IRAK1BP1: variants seen among roughly 807,000 people sequenced by gnomAD.
IRAK1BP1 encodes the protein interleukin-1 receptor-associated kinase 1-binding protein 1.
Under a neutral mutation model 28.0 loss-of-function variants are expected in IRAK1BP1, and 24 were observed. That is an observed-to-expected ratio of 0.86 (90% CI 0.62 to 1.20). The LOEUF is 1.20. Ranked by LOEUF, IRAK1BP1 falls within the 50% of genes most tolerant of loss-of-function variation. The pLI is 0.00. For missense variants in IRAK1BP1, 336 were observed against 316.7 expected, an observed-to-expected ratio of 1.06 and a Z score of -0.46; for synonymous variants, 131 against 116.3, an observed-to-expected ratio of 1.13 and a Z score of -0.81.
At chr6:78,880,917 A>G (rs554023125) in intron 1 of IRAK1BP1, among the ~76,000 whole-genome samples, 1 of 152,200 alleles carries the variant, frequency 6.6e-6, no homozygotes, top group South Asian at 2.1e-4. Flanking sequence ...ATTCTCGTTC[A>G]TTGCTGGTGA....
chr6:78,877,178 G>A (rs1472557313), intron 1 of IRAK1BP1, among the ~76,000 whole-genome samples: 1 of 152,020 alleles, frequency 6.6e-6, no homozygotes, highest in Non-Finnish European at 1.5e-5. Context: ...GTTAGGCTAG[G>A]TGTGCCTTTA....
At chr6:78,944,991 C>T (rs758217287) in intron 4 of IRAK1BP1, among the ~76,000 whole-genome samples, 2 of 151,792 alleles carry the variant, frequency 1.3e-5, no homozygotes, top group Non-Finnish European at 2.9e-5. Flanking sequence ...TTTTGTGATC[C>T]AATAATTACT....
intron 2 of IRAK1BP1, among the ~76,000 whole-genome samples, chr6:78,888,343 G>C (rs1771503632): frequency 6.6e-6 from 1 of 152,066 alleles, no homozygotes; most frequent in African/African-American, 2.4e-5. Flanking sequence ...CTCATGTTGT[G>C]TTGTTATCAT....
intron 2 of IRAK1BP1, among the ~76,000 whole-genome samples, chr6:78,891,317 A>G (rs1771652333): frequency 1.3e-5 from 2 of 152,230 alleles, no homozygotes; most frequent in Admixed American, 1.3e-4. Context: ...TTTTAAAAAA[A>G]GGTTCTAAGT....
intron 4 of IRAK1BP1, among the ~76,000 whole-genome samples, chr6:78,941,801 TATCA>T (rs1158985878): frequency 6.6e-6 from 1 of 152,154 alleles, no homozygotes; most frequent in Non-Finnish European, 1.5e-5. Flanking sequence ...TATATATATA[TATCA>T]ATCAAAATCA....
At chr6:78,976,216 C>T in the IRAK1BP1 span, among the ~76,000 whole-genome samples, 22 of 148,344 alleles carry the variant, frequency 1.5e-4, no homozygotes, top group Middle Eastern at 7.0e-3. Flanking sequence ...TCAGAAATAA[C>T]GCCGCATATC....
intron 2 of IRAK1BP1, among the ~76,000 whole-genome samples, chr6:78,891,434 T>C (rs1212575111): frequency 2.6e-5 from 4 of 152,114 alleles, no homozygotes; most frequent in African/African-American, 7.2e-5. Context: ...TTATGTTATT[T>C]TCATGTTATA....
At position 78,885,450 on chromosome 6, in the gene IRAK1BP1, A is replaced by ACTTAT. The variant is rs4055605; in HGVS notation, c.381+11_381+12insTCTTA. On this transcript the variant is annotated splice_region_variant and intron_variant, in intron 2 of 3. Coordinates refer to ENST00000369940, the MANE Select transcript of IRAK1BP1 (RefSeq NM_001010844.4). ...TTATCACATGGAAGCAGAGGTATGT[A>ACTTAT]CTTAACAAATAATTGGAAGCAGCAT... The ACTTAT allele has an allele frequency of 0.88, 1,220,649 of 1,383,786 alleles. 542,565 individuals are homozygous for ACTTAT. Among genetic ancestry groups the ACTTAT allele is most frequent in the Admixed American group, 0.92 (45,608 of 49,568 alleles). 85.7% of individuals were successfully genotyped at this position (1,383,786 alleles called of 1,614,324 possible).
intron 4 of IRAK1BP1, among the ~76,000 whole-genome samples, chr6:78,929,508 G>C (rs1772983834): frequency 6.6e-6 from 1 of 152,042 alleles, no homozygotes; most frequent in African/African-American, 2.4e-5. Flanking sequence ...TGGATATAAA[G>C]ATGGAAACAA....
At chr6:78,914,315 G>A (rs1562096004) in intron 4 of IRAK1BP1, among the ~76,000 whole-genome samples, 1 of 152,146 alleles carries the variant, frequency 6.6e-6, no homozygotes, top group African/African-American at 2.4e-5. Context: ...TCTTAATTTT[G>A]AAGATAAGCC....
intron 2 of IRAK1BP1, among the ~76,000 whole-genome samples, chr6:78,897,256 T>TAAAA (rs749859007): frequency 6.3e-5 from 7 of 110,998 alleles, no homozygotes; most frequent in African/African-American, 2.4e-4. Context: ...TTGTCTCTCT[T>TAAAA]AAAAAAAAAA....
the IRAK1BP1 span, among the ~76,000 whole-genome samples, chr6:78,975,925 A>G: frequency 2.0e-5 from 3 of 151,100 alleles, no homozygotes; most frequent in African/African-American, 4.8e-5. Context: ...GGAAGAATCA[A>G]TATTGTGAAA....
At chr6:78,931,671 A>G (rs1314680075) in intron 4 of IRAK1BP1, among the ~76,000 whole-genome samples, 1 of 152,200 alleles carries the variant, frequency 6.6e-6, no homozygotes, top group Non-Finnish European at 1.5e-5. Context: ...AAAACAATGT[A>G]CATATTTTAG....
chr6:78,967,978 CAA>C, the IRAK1BP1 span, among the ~76,000 whole-genome samples: 96 of 147,440 alleles, frequency 6.5e-4, 1 homozygote, highest in South Asian at 8.2e-3. Flanking sequence ...ACTAAAAATA[CAA>C]AAAAAAAATT....
chr6:78,965,562 G>A, the IRAK1BP1 span: 1 of 579,648 alleles, frequency 1.7e-6, no homozygotes, highest in Non-Finnish European at 3.1e-6. Context: ...ACTTCAAGGT[G>A]TACAATAATA....
chr6:78,978,766 CA>C, the IRAK1BP1 span: 1 of 1,357,654 alleles, frequency 7.4e-7, no homozygotes, highest in East Asian at 2.4e-5. Context: ...CATTAATCCA[CA>C]AATCTACTCT....
At chr6:78,869,076 G>A (rs979545266) in intron 1 of IRAK1BP1, among the ~76,000 whole-genome samples, 1 of 152,208 alleles carries the variant, frequency 6.6e-6, no homozygotes. Flanking sequence ...GAAAAATACA[G>A]ATAATTATAA....
At chr6:78,969,946 G>C in the IRAK1BP1 span, 1 of 1,562,974 alleles carries the variant, frequency 6.4e-7, no homozygotes, top group African/African-American at 1.4e-5. Context: ...AAATTGATTA[G>C]GTCACATACC....
At chr6:78,953,034 T>C in the IRAK1BP1 span, among the ~76,000 whole-genome samples, 1 of 152,116 alleles carries the variant, frequency 6.6e-6, no homozygotes, top group African/African-American at 2.4e-5. Flanking sequence ...CTCCCTTATA[T>C]AGGTGTTGTT....
Sources: allele counts gnomAD v4.1 joint callset (sites outside exome capture counted in the v4.1 genomes callset), GRCh38; gene constraint gnomAD v4.1.1; transcripts MANE v1.5; gene names NCBI Gene and HGNC (gene_info 2026-07-23, HGNC 2026-07-21).